COL5A1: variants seen among roughly 807,000 people sequenced by gnomAD.
COL5A1 encodes collagen type V alpha 1 chain.
Under a neutral mutation model 263.7 loss-of-function variants are expected in COL5A1, and 16 were observed. The observed-to-expected ratio is 0.06, with a 90% CI of 0.04 to 0.09. COL5A1 has a LOEUF of 0.09. Among genes scored for constraint, COL5A1 ranks in the 10% least tolerant of loss-of-function variants. The pLI, the probability that COL5A1 is intolerant of heterozygous loss-of-function variation, is 1.00. For missense variants in COL5A1, 2,036 were observed against 2,540.5 expected (o/e 0.80, Z 4.27); for synonymous variants, 1,012 against 1,004.5 (o/e 1.01, Z -0.14).
rs1462660284 is a variant in COL5A1 at position 134,810,338 on chromosome 9, C to T, written c.3528+30C>T. On this transcript the variant is annotated intron_variant, in intron 44 of 65. Coordinates refer to ENST00000371817, the MANE Select transcript of COL5A1 (RefSeq NM_000093.5). ...GTATTGGCACGGGGGCGCGCGGCAGCCCCCAGGTCCCGGGGGGCCTCGTCG... is the reference window on the plus strand; with the variant it reads ...GTATTGGCACGGGGGCGCGCGGCAGTCCCCAGGTCCCGGGGGGCCTCGTCG... The T allele has an allele frequency of 2.5e-6, 4 of 1,608,878 alleles. No individual in the cohort carries two copies. The South Asian group carries it at 4.4e-5, about 18-fold the overall frequency.
intron 21 of COL5A1, 33 bp from the exon 22 acceptor site, chr9:134,766,420 AG>A (rs1168956144): frequency 9.3e-6 from 15 of 1,610,876 alleles, no homozygotes; most frequent in Non-Finnish European, 1.3e-5. Flanking sequence ...TTTCGCATTC[AG>A]TTACATGTTT....
At chr9:134,750,944 G>A in intron 13 of COL5A1, 62 bp downstream of exon 13, 1 of 1,407,950 alleles carries the variant, frequency 7.1e-7, no homozygotes, top group South Asian at 1.2e-5. Context: ...GGGGCCAACA[G>A]GAGTGAGTGA....
At chr9:134,717,778 C>T (rs1834322152) in intron 4 of COL5A1, among the ~76,000 whole-genome samples, 1 of 152,164 alleles carries the variant, frequency 6.6e-6, no homozygotes, top group South Asian at 2.1e-4. Context: ...AGTGCTCTGG[C>T]TAAAATTAGA....
chr9:134,710,718 A>T (rs1179853640), intron 4 of COL5A1, among the ~76,000 whole-genome samples: 2 of 27,354 alleles, frequency 7.3e-5, no homozygotes, highest in East Asian at 1.9e-3. Flanking sequence ...GTGGTGGGGG[A>T]GGAGCCCTAT....
intron 25 of COL5A1, 24 bp downstream of exon 25, chr9:134,768,487 C>T (rs1836758762): frequency 1.2e-6 from 2 of 1,611,270 alleles, no homozygotes; most frequent in East Asian, 2.2e-5. Context: ...CCCACCTCAT[C>T]CCTCCATACT....
intron 5 of COL5A1, among the ~76,000 whole-genome samples, chr9:134,728,160 C>A (rs537215699): frequency 5.2e-4 from 79 of 152,378 alleles, no homozygotes; most frequent in African/African-American, 1.8e-3. Flanking sequence ...CCAGGAGGGG[C>A]AGGACAGAGC....
intron 30 of COL5A1, 80 bp downstream of exon 30, chr9:134,785,176 C>T: frequency 8.6e-7 from 1 of 1,161,406 alleles, no homozygotes; most frequent in Non-Finnish European, 1.3e-6. Context: ...CTCCCGTTGG[C>T]TGTGGCTGCC....
At chr9:134,666,091 TAAAATAAAATA>T (rs1428033660) in intron 1 of COL5A1, among the ~76,000 whole-genome samples, 1 of 151,562 alleles carries the variant, frequency 6.6e-6, no homozygotes, top group Admixed American at 6.6e-5. Flanking sequence ...CATCTCGAAA[TAAAATAAAATA>T]AAAATAAAAA....
At chr9:134,808,690 A>ATG (rs532482964) in intron 42 of COL5A1, among the ~76,000 whole-genome samples, 84 of 152,268 alleles carry the variant, frequency 5.5e-4, no homozygotes, top group East Asian at 2.7e-3. Context: ...ATGTATGCAC[A>ATG]TGTGTGTGCG....
chr9:134,829,385 G>T (rs1450149725), intron 63 of COL5A1, among the ~76,000 whole-genome samples: 1 of 147,030 alleles, frequency 6.8e-6, no homozygotes, highest in Non-Finnish European at 1.5e-5. Context: ...CGGTCTCCCC[G>T]AGGGCCCAGG....
At chr9:134,735,115 A>G (rs1325419174) in intron 9 of COL5A1, among the ~76,000 whole-genome samples, 1 of 151,830 alleles carries the variant, frequency 6.6e-6, no homozygotes, top group Non-Finnish European at 1.5e-5. Context: ...CTGGAGGCTG[A>G]GGCAGGAGAA....
At position 134,785,209 on chromosome 9, in the gene COL5A1, T is replaced by G. The variant is rs960679145; in HGVS notation, c.2592+113T>G. 7 of 764,406 alleles carry G rather than the reference T, an allele frequency of 9.2e-6. No individual in the cohort carries two copies. In the African/African-American group the frequency reaches 1.2e-4, roughly 13 times the overall value. The allele number at this position is 764,406 out of a possible 1,614,324, so 47.4% of individuals were successfully genotyped here. A position where few individuals can be genotyped will look rare whatever the true frequency, so the allele number is the denominator to read the frequency against. On this transcript the variant is annotated intron_variant, in intron 30 of 65. Transcript: ENST00000371817. ...GCCCTAGGCATGGGGTGGGGGTGAT[T>G]CCTGAGCGGGCTCCTGTCTCCACCC...
At chr9:134,764,143 G>A (rs934975205) in intron 20 of COL5A1, among the ~76,000 whole-genome samples, 6 of 144,146 alleles carry the variant, frequency 4.2e-5, no homozygotes, top group African/African-American at 1.3e-4. Context: ...GGGTACAGGG[G>A]CATCATTGGG....
intron 1 of COL5A1, among the ~76,000 whole-genome samples, chr9:134,661,810 GA>G (rs966219824): frequency 1.3e-5 from 2 of 152,180 alleles, no homozygotes; most frequent in African/African-American, 2.4e-5. Flanking sequence ...CTGTGCTCCA[GA>G]ATTCCTTAAG....
At chr9:134,786,419 G>A (rs2132776360) in intron 31 of COL5A1, among the ~76,000 whole-genome samples, 1 of 152,288 alleles carries the variant, frequency 6.6e-6, no homozygotes, top group South Asian at 2.1e-4. Context: ...TGGGCAATGA[G>A]TCTTCTGCCC....
At chr9:134,659,367 C>T (rs57362508) in intron 1 of COL5A1, among the ~76,000 whole-genome samples, 6,347 of 152,146 alleles carry the variant, frequency 0.042, 227 homozygotes, top group African/African-American at 0.1. Flanking sequence ...CTAGCCTGAG[C>T]GACAGAGACT....
In COL5A1 at chr9:134,765,335, A is replaced by G. The variant is rs1427766676; in HGVS notation, c.2035-346A>G. Among the ~76,000 whole-genome samples, 1 of 152,002 alleles carries G rather than the reference A, an allele frequency of 6.6e-6. No homozygotes were observed. Among genetic ancestry groups the G allele is most frequent in the Non-Finnish European group, 1.5e-5 (1 of 67,924 alleles). ...CAAGGGCTCCGTGCAGTGGAATGTT[A>G]TAGCGTGGTGATTCTCTGGGGGAGC... On this transcript the variant is annotated intron_variant, in intron 20 of 65. Transcript: ENST00000371817. The surrounding 1 kb of genome is among the most constrained non-coding windows in gnomAD (Gnocchi z 5.1).
chr9:134,808,008 C>T (rs1035674486), intron 42 of COL5A1, among the ~76,000 whole-genome samples: 23 of 152,154 alleles, frequency 1.5e-4, no homozygotes, highest in African/African-American at 5.5e-4. Flanking sequence ...TGAGAACTCC[C>T]GACCTGACCA....
chr9:134,709,777 T>C (rs1833962644), intron 4 of COL5A1, among the ~76,000 whole-genome samples: 1 of 152,146 alleles, frequency 6.6e-6, no homozygotes, highest in African/African-American at 2.4e-5. Context: ...TCCAAAGATA[T>C]CTTGCTGGGC....
Sources: gnomAD v4.1 joint callset for allele counts (sites outside exome capture counted in the v4.1 genomes callset) on GRCh38, gnomAD v4.1.1 for gene constraint, Gnocchi (gnomAD v3.1) non-coding constraint, MANE v1.5 for transcripts, NCBI Gene and HGNC (gene_info 2026-07-23, HGNC 2026-07-21) for gene names.